The following CLCA2 variants were observed in gnomAD, a reference collection of about 807,000 sequenced individuals.
CLCA2 encodes calcium-activated chloride channel regulator 2.
Under a neutral mutation model 82.9 loss-of-function variants are expected in CLCA2, and 85 were observed. That is an observed-to-expected ratio of 1.03 (90% CI 0.86 to 1.23). CLCA2 has a LOEUF of 1.23. CLCA2 is among the 50% of genes most tolerant of loss of function. The pLI, the probability that CLCA2 is intolerant of heterozygous loss-of-function variation, is 0.00. For synonymous variants in CLCA2, 421 were observed against 391.7 expected, an observed-to-expected ratio of 1.07 and a Z score of -0.88; for missense variants, 1,089 against 1,124.8, an observed-to-expected ratio of 0.97 and a Z score of 0.45.
intron 5 of CLCA2, among the ~76,000 whole-genome samples, chr1:86,433,975 T>C (rs1662549647): frequency 6.7e-6 from 1 of 149,082 alleles, no homozygotes. Flanking sequence ...TTTCTGTAAA[T>C]TATATCTATA....
chr1:86,442,796 C>A (rs546743388), intron 9 of CLCA2, among the ~76,000 whole-genome samples: 1 of 152,318 alleles, frequency 6.6e-6, no homozygotes, highest in Admixed American at 6.5e-5. Flanking sequence ...GTGTCAGGCC[C>A]ACTGGGTTTT....
intron 9 of CLCA2, 145 bp from the exon 10 acceptor site, chr1:86,443,642 T>C (rs1449240459): frequency 3.2e-6 from 2 of 620,346 alleles, no homozygotes; most frequent in Non-Finnish European, 5.3e-6. Flanking sequence ...AAAGTATTTT[T>C]TATGAAAAAT....
chr1:86,453,371 A>G lies in CLCA2; in HGVS notation c.2158A>G (p.Asn720Asp). ...TTTTTTTTTCTTTTTTGTCTCAGGT[A>G]ATATTCAGATGAATGCTCCAAGGAA... ...MYVPGYTANG[N>D]IQMNAPRKSV... is the part of the protein sequence containing the mutation. The change falls in exon 13 of 14, where the codon AAT (asparagine) becomes GAT (aspartate). Residue 720 changes from asparagine (N) to aspartate (D), a missense_variant and splice_region_variant. Coordinates refer to ENST00000370565, the MANE Select transcript of CLCA2 (RefSeq NM_006536.7). 1 of 1,612,604 alleles carries G rather than the reference A, an allele frequency of 6.2e-7. No homozygotes were observed. The highest frequency in any genetic ancestry group is 1.7e-5 in the Admixed American group (1 of 59,968).
Position 86,440,204 on chromosome 1 carries a change from C to T in CLCA2, c.1260C>T (p.Ser420=), listed in dbSNP as rs376243564. 8.0e-5 allele frequency: 129 copies of T among 1,613,934 alleles called. No homozygotes were observed. The highest frequency in any genetic ancestry group is 1.0e-4 in the Non-Finnish European group (121 of 1,179,986). Residue 420 remains serine (S), a synonymous_variant, in exon 8 of 14, where the codon AGC becomes AGT. Coordinates refer to ENST00000370565, the MANE Select transcript of CLCA2 (RefSeq NM_006536.7). Reference sequence around the variant, plus strand: ...GCTCTGTGATGATATTAGTGACCAGCGGAGATGATAAGCTTCTTGGCAATT... The same window carrying T: ...GCTCTGTGATGATATTAGTGACCAGTGGAGATGATAAGCTTCTTGGCAATT... The part of the protein sequence containing the change: ...AYGSVMILVT[S]GDDKLLGNCL...
chr1:86,450,859 T>C (rs1662949583), intron 12 of CLCA2, 126 bp downstream of exon 12: 1 of 798,288 alleles, frequency 1.3e-6, no homozygotes. Flanking sequence ...TACGCTTAAG[T>C]CCATACATAA....
chr1:86,432,374 C>A lies in CLCA2; in HGVS notation c.590C>A (p.Ser197Ter), dbSNP rs774662133. 6.2e-7 allele frequency: 1 copy of A among 1,613,308 alleles called. No individual in the cohort carries two copies. Among genetic ancestry groups the A allele is most frequent in the South Asian group, 1.1e-5 (1 of 90,906 alleles). The change falls in exon 5 of 14, where the codon TCA becomes TAA. Residue 197 changes from serine to a stop codon, truncating the protein, a stop_gained. Transcript: ENST00000370565. LOFTEE classifies it high-confidence loss of function. ...GQNQIKVTRC[S>*]SDITGIFVCE... ...GTTTCTCTTTCCATTTTTAGGTGTT[C>A]ATCTGACATCACAGGCATTTTTGTG...
intron 3 of CLCA2, among the ~76,000 whole-genome samples, chr1:86,428,792 T>G (rs1457021792): frequency 6.6e-6 from 1 of 152,068 alleles, no homozygotes; most frequent in African/African-American, 2.4e-5. Flanking sequence ...AAGAATTCAA[T>G]CAAGGAAACG....
Position 86,430,926 on chromosome 1 carries a change from C to T in CLCA2, c.540C>T (p.Asp180=), listed in dbSNP as rs201468285. The T allele has an allele frequency of 3.7e-6, 6 of 1,613,358 alleles. No homozygotes were observed. The South Asian group carries it at 5.5e-5, about 15-fold the overall frequency. ...RWGVFDEYNN[D]KPFYINGQNQ... ...GTGTGTTCGATGAGTATAACAATGA[C>T]AAACCTTTCTACATAAATGGGCAAA... The change falls in exon 4 of 14, where the codon GAC becomes GAT. Residue 180 remains aspartate, a synonymous_variant. Transcript: ENST00000370565.
In CLCA2 at chr1:86,441,936, A is replaced by G. The variant is rs565187365; in HGVS notation, c.1488+393A>G. ...CAACATCTTTGAAGCTCTTCCTTGT[A>G]TAAGGGGTATCAACTATTTCATTAA... is the stretch of plus-strand genomic sequence containing the variant. On this transcript the variant is annotated intron_variant, in intron 9 of 13. Coordinates refer to ENST00000370565, the MANE Select transcript of CLCA2 (RefSeq NM_006536.7). Among the ~76,000 whole-genome samples the G allele has an allele frequency of 1.2e-3, 187 of 152,368 alleles. 1 individual carries two copies. The highest frequency in any genetic ancestry group is 4.2e-3 in the African/African-American group (173 of 41,594).
chr1:86,435,473 G>T (rs1302954788), intron 6 of CLCA2, among the ~76,000 whole-genome samples: 1 of 152,178 alleles, frequency 6.6e-6, no homozygotes, highest in Non-Finnish European at 1.5e-5. Flanking sequence ...CCATGTCATT[G>T]TGTACAGAAG....
intron 1 of CLCA2, among the ~76,000 whole-genome samples, 184 bp downstream of exon 1, chr1:86,424,617 G>A (rs1662354242): frequency 6.6e-6 from 1 of 152,096 alleles, no homozygotes; most frequent in Non-Finnish European, 1.5e-5. Flanking sequence ...ATTCTGTGTA[G>A]TCTCAGCTCA....
At chr1:86,455,029 A>G (rs1663046472) in intron 13 of CLCA2, 56 bp from the exon 14 acceptor site, 33 of 1,073,758 alleles carry the variant, frequency 3.1e-5, no homozygotes, top group Non-Finnish European at 4.3e-5. Flanking sequence ...TTTCTAATAA[A>G]CTAGAAAATA....
intron 10 of CLCA2, among the ~76,000 whole-genome samples, chr1:86,445,232 T>A (rs951543760): frequency 2.6e-5 from 4 of 151,986 alleles, no homozygotes; most frequent in African/African-American, 9.7e-5. Context: ...CCTTCTTGAC[T>A]CTGAACTGCC....
At chr1:86,454,262 C>T (rs1020054404) in intron 13 of CLCA2, among the ~76,000 whole-genome samples, 1 of 152,136 alleles carries the variant, frequency 6.6e-6, no homozygotes, top group African/African-American at 2.4e-5. Context: ...CCACCTTTAT[C>T]ATATACTAAA....
intron 7 of CLCA2, 40 bp from the exon 8 acceptor site, chr1:86,440,108 A>G: frequency 6.3e-7 from 1 of 1,595,270 alleles, no homozygotes; most frequent in Non-Finnish European, 8.6e-7. Context: ...AAACAATTTG[A>G]ACTACACTTC....
intron 6 of CLCA2, among the ~76,000 whole-genome samples, chr1:86,437,116 G>A (rs1662628735): frequency 6.6e-6 from 1 of 152,170 alleles, no homozygotes; most frequent in Admixed American, 6.5e-5. Flanking sequence ...GTACTTGAGA[G>A]TATCATCTGA....
chr1:86,447,567 G>C lies in CLCA2; in HGVS notation c.1773G>C (p.Val591=). The part of the protein sequence containing the change: ...NTHHSLQALK[V]TVTSRASNSA... ...ATCATTCTCTGCAAGCCCTGAAAGT[G>C]ACAGTGACCTCTCGCGCCTCCAACT... The change falls in exon 11 of 14, where the codon GTG becomes GTC. Residue 591 remains valine (V), a synonymous_variant. Coordinates refer to ENST00000370565, the MANE Select transcript of CLCA2 (RefSeq NM_006536.7). 1 of 1,614,094 alleles carries C rather than the reference G, an allele frequency of 6.2e-7. No individual in the cohort carries two copies. Among genetic ancestry groups the C allele is most frequent in the Non-Finnish European group, 8.5e-7 (1 of 1,180,000 alleles).
intron 10 of CLCA2, among the ~76,000 whole-genome samples, chr1:86,446,737 G>A (rs1336257469): frequency 6.6e-6 from 1 of 152,140 alleles, no homozygotes; most frequent in Middle Eastern, 3.4e-3. Flanking sequence ...TACTTCTGGG[G>A]GTTTGATAAG....
Position 86,441,503 on chromosome 1 carries a change from T to C in CLCA2, c.1448T>C (p.Ile483Thr), listed in dbSNP as rs765787586. 5 of 1,612,430 alleles carry C rather than the reference T, an allele frequency of 3.1e-6. No homozygotes were observed. The highest frequency in any genetic ancestry group is 1.1e-5 in the South Asian group (1 of 90,968). Residue 483 changes from isoleucine (I) to threonine (T), a missense_variant, in exon 9 of 14, where the codon ATT becomes ACT. Transcript: ENST00000370565. ...SNSMIDAFSR[I>T]SSGTGDIFQQ... is the part of the protein sequence containing the mutation. ...AGCATGATTGATGCTTTCAGTAGAA[T>C]TTCCTCTGGAACTGGAGACATTTTC...
Sources: allele counts gnomAD v4.1 joint callset (sites outside exome capture counted in the v4.1 genomes callset), GRCh38; gene constraint gnomAD v4.1.1; transcripts MANE v1.5; gene names NCBI Gene and HGNC (gene_info 2026-07-23, HGNC 2026-07-21).